Variants in TBCD observed in about 807,000 individuals in gnomAD.
The protein encoded by TBCD is tubulin folding cofactor D.
A neutral mutation model predicts 169.3 loss-of-function variants in TBCD; 105 were observed. That is an observed-to-expected ratio of 0.62 (90% confidence interval 0.53 to 0.73). TBCD has a LOEUF of 0.73. Ranked by LOEUF, TBCD falls within the 30% of genes least tolerant of loss-of-function variation. TBCD has a pLI of 0.00. For missense variants in TBCD, 1,444 were observed against 1,600.1 expected (o/e 0.90, Z 1.66); for synonymous variants, 700 against 643.9 (o/e 1.09, Z -1.32).
intron 13 of TBCD, chr17:82,830,813 C>CG: frequency 1.2e-6 from 2 of 1,613,386 alleles, no homozygotes; most frequent in Non-Finnish European, 1.7e-6. Context: ...CTGGAAGGCG[C>CG]GGCCTCCGAG....
At chr17:82,805,224 G>T (rs1223181218) in intron 9 of TBCD, among the ~76,000 whole-genome samples, 1 of 152,234 alleles carries the variant, frequency 6.6e-6, no homozygotes, top group African/African-American at 2.4e-5. Context: ...TATAGAGGGG[G>T]AAGTGGGGGC....
chr17:82,831,586 G>C lies in TBCD; in HGVS notation c.1318+16652G>C, dbSNP rs760075902. 6.2e-7 allele frequency: 1 copy of C among 1,614,164 alleles called. No homozygotes were observed. Among genetic ancestry groups the C allele is most frequent in the Non-Finnish European group, 8.5e-7 (1 of 1,180,014 alleles). On this transcript the variant is annotated intron_variant, in intron 13 of 38. Transcript: ENST00000355528. The surrounding 1 kb of genome is among the most constrained non-coding windows in gnomAD (Gnocchi z 4.6). ...AGATGGAGCCAGGTGCTTAGGGATC[G>C]GCCCCGGGTGAGGCAGGAAGTGTCT...
Position 82,831,469 on chromosome 17 carries a change from GA to G in TBCD, c.1318+16539del. 6.2e-7 allele frequency: 1 copy of G among 1,614,214 alleles called. No homozygotes were observed. Among genetic ancestry groups the G allele is most frequent in the Non-Finnish European group, 8.5e-7 (1 of 1,180,038 alleles). On this transcript the variant is annotated intron_variant, in intron 13 of 38. Transcript: ENST00000355528. This position sits in a 1 kb window ranked among gnomAD's most constrained non-coding sequence, Gnocchi z 4.6. ...AGGTGGGAGTCTGAGACCATAGGAG[GA>G]AAATGCAGACTCTGGCCTGTAAAAT... is the stretch of plus-strand genomic sequence containing the variant.
At position 82,900,680 on chromosome 17, in the gene TBCD, C is replaced by T. The variant is rs372480807; in HGVS notation, c.1679C>T (p.Thr560Met). The T allele has an allele frequency of 9.3e-6, 15 of 1,613,868 alleles. No individual in the cohort carries two copies. The highest frequency in any genetic ancestry group is 4.4e-5 in the South Asian group (4 of 91,090). ...TTTATTGCCGGCTTTCCTGAGTACA[C>T]GCAGCCAATGATAGACCACCTGGTT... ...SVFIAGFPEY[T>M]QPMIDHLVTM... Residue 560 changes from threonine to methionine, a missense_variant, in exon 18 of 39, where the codon ACG (threonine) becomes ATG (methionine). By Grantham distance (81) the Thr-to-Met change is moderately conservative. Transcript: ENST00000355528.
At chr17:82,909,979 C>T (rs965959651) in intron 22 of TBCD, among the ~76,000 whole-genome samples, 2 of 152,116 alleles carry the variant, frequency 1.3e-5, no homozygotes, top group African/African-American at 4.8e-5. Flanking sequence ...TGGTTTCTTC[C>T]CCGACGTGTC....
In TBCD at chr17:82,806,770, G is replaced by T. The variant is rs1053762359; in HGVS notation, c.1087+759G>T. Among the ~76,000 whole-genome samples, 37 of 152,244 alleles carry T rather than the reference G, an allele frequency of 2.4e-4. No homozygotes were observed. The highest frequency in any genetic ancestry group is 7.9e-4 in the African/African-American group (33 of 41,552). On this transcript the variant is annotated intron_variant, in intron 10 of 38. Transcript: ENST00000355528. This position sits in a 1 kb window ranked among gnomAD's most constrained non-coding sequence, Gnocchi z 5.1. ...CCACCTCGACCGTGACCATCAGGGC[G>T]CCTGTGGCACCGTTGCCAGCCCCGA... is the stretch of plus-strand genomic sequence containing the variant.
intron 13 of TBCD, among the ~76,000 whole-genome samples, chr17:82,816,488 CTGTAGTGTGTGAGGGTTCTGCT>C (rs2051914488): frequency 6.6e-6 from 1 of 152,106 alleles, no homozygotes; most frequent in Non-Finnish European, 1.5e-5. Context: ...AAGTTCCTGC[CTGTAGTGTGTGAGGGTTCTGCT>C]TCTCTGATCC....
At chr17:82,818,185 C>G (rs996656853) in intron 13 of TBCD, among the ~76,000 whole-genome samples, 7 of 152,242 alleles carry the variant, frequency 4.6e-5, no homozygotes, top group Non-Finnish European at 2.9e-5. Context: ...GTGGAATACA[C>G]TGGCCCATGA....
rs1429479080 is a variant in TBCD at position 82,920,974 on chromosome 17, G to A, written c.2101+356G>A. 2.6e-5 allele frequency: 8 copies of A among 309,126 alleles called. No homozygotes were observed. The highest frequency in any genetic ancestry group is 4.9e-5 in the Admixed American group (1 of 20,530). The allele number at this position is 309,126 out of a possible 1,614,324, so 19.1% of individuals were successfully genotyped here. On this transcript the variant is annotated intron_variant, in intron 24 of 38. Coordinates refer to ENST00000355528, the MANE Select transcript of TBCD (RefSeq NM_005993.5). The surrounding 1 kb of genome is among the most constrained non-coding windows in gnomAD (Gnocchi z 4.1). ...GGAGCGTGCCGGCCGCCGACACCAC[G>A]GACCCTGTGGGCAGAGGCGGCTCCA...
At chr17:82,793,281 A>G (rs1196971806) in intron 7 of TBCD, among the ~76,000 whole-genome samples, 1 of 151,618 alleles carries the variant, frequency 6.6e-6, no homozygotes, top group East Asian at 1.9e-4. Context: ...CTCCTGGGGG[A>G]GGCAGTGGTC....
chr17:82,880,350 GT>G lies in TBCD; in HGVS notation c.1476-3794del, dbSNP rs999091816. 3.3e-5 allele frequency among the ~76,000 whole-genome samples: 5 copies of G among 152,222 alleles called. No individual in the cohort carries two copies. The highest frequency in any genetic ancestry group is 9.6e-5 in the African/African-American group (4 of 41,456). ...GTTCGGCACCCGCTGGGCTGCAGGA[GT>G]AATCCAGGGCCCTCTCCCCATCTTA... On this transcript the variant is annotated intron_variant, in intron 14 of 38. Coordinates refer to ENST00000355528, the MANE Select transcript of TBCD (RefSeq NM_005993.5). The surrounding 1 kb of genome is among the most constrained non-coding windows in gnomAD (Gnocchi z 5.0).
At chr17:82,913,214 G>T (rs1180256075) in intron 23 of TBCD, 1 of 152,306 alleles carries the variant, frequency 6.6e-6, no homozygotes, top group Non-Finnish European at 1.5e-5. Context: ...GCTCTCAGAA[G>T]GGTTCAATGT....
At chr17:82,829,267 G>T (rs368256747) in intron 13 of TBCD, among the ~76,000 whole-genome samples, 4 of 145,924 alleles carry the variant, frequency 2.7e-5, no homozygotes, top group Non-Finnish European at 6.0e-5. Flanking sequence ...ACACCTACAC[G>T]CACTCGCAGA....
chr17:82,801,766 G>A (rs1381731641), intron 9 of TBCD, among the ~76,000 whole-genome samples: 2 of 143,430 alleles, frequency 1.4e-5, no homozygotes, highest in African/African-American at 2.6e-5. Context: ...CAGGGTCAGC[G>A]TGGCAGGAGG....
intron 6 of TBCD, 72 bp from the exon 7 acceptor site, chr17:82,781,517 G>T: frequency 6.3e-7 from 1 of 1,578,870 alleles, no homozygotes; most frequent in South Asian, 1.2e-5. Context: ...GTGGGTGTGT[G>T]TGGGGTGGGC....
At chr17:82,829,496 T>C (rs2053281720) in intron 13 of TBCD, 1 of 153,132 alleles carries the variant, frequency 6.5e-6, no homozygotes, top group East Asian at 1.9e-4. Flanking sequence ...CATATGAGTT[T>C]ATTGGAAAAT....
intron 13 of TBCD, chr17:82,860,235 C>T (rs1425786680): frequency 3.2e-6 from 1 of 311,334 alleles, no homozygotes; most frequent in African/African-American, 2.3e-5. Flanking sequence ...AGTGCCAGCG[C>T]ACAGTGTTGA....
chr17:82,856,781 CGTGCGG>C (rs2145741744), intron 13 of TBCD, among the ~76,000 whole-genome samples: 1 of 147,024 alleles, frequency 6.8e-6, no homozygotes, highest in South Asian at 2.2e-4. Flanking sequence ...CGCTGGACCG[CGTGCGG>C]ACCCTCGCTG....
At chr17:82,931,382 C>T (rs2062188001) in intron 33 of TBCD, among the ~76,000 whole-genome samples, 1 of 152,246 alleles carries the variant, frequency 6.6e-6, no homozygotes, top group Non-Finnish European at 1.5e-5. Context: ...GGACGGTGGG[C>T]TCCAGCCCAA....
Sources: allele counts gnomAD v4.1 joint callset (sites outside exome capture counted in the v4.1 genomes callset), GRCh38; gene constraint gnomAD v4.1.1; non-coding constraint Gnocchi (gnomAD v3.1); transcripts MANE v1.5; gene names NCBI Gene and HGNC (gene_info 2026-07-23, HGNC 2026-07-21).